Variants in LARP4 observed in about 807,000 individuals in gnomAD.
The protein encoded by LARP4 is la-related protein 4.
LARP4 carries 29 observed loss-of-function variants against 92.9 expected under a neutral mutation model. That is an observed-to-expected ratio of 0.31 (90% CI 0.23 to 0.43). The LOEUF (loss-of-function observed/expected upper bound fraction) is 0.43, where lower values mean the gene tolerates loss of function less well. LARP4 is among the 20% of genes least tolerant of loss of function. The pLI, the probability that LARP4 is intolerant of heterozygous loss-of-function variation, is 1.00. For missense variants in LARP4, 732 were observed against 860.0 expected, an observed-to-expected ratio of 0.85 and a Z score of 1.86; for synonymous variants, 279 against 284.1, an observed-to-expected ratio of 0.98 and a Z score of 0.18.
intron 1 of LARP4, among the ~76,000 whole-genome samples, chr12:50,422,937 C>A (rs1948077409): frequency 6.6e-6 from 1 of 151,660 alleles, no homozygotes; most frequent in South Asian, 2.1e-4. Flanking sequence ...CTTGTCTTAG[C>A]CTCCCAAGGA....
chr12:50,421,842 C>G (rs528051426), intron 1 of LARP4, among the ~76,000 whole-genome samples: 1 of 152,158 alleles, frequency 6.6e-6, no homozygotes, highest in East Asian at 1.9e-4. Context: ...TTTCTGGAGT[C>G]AGGCTGCCTT....
chr12:50,427,557 A>AT (rs1430484599), intron 1 of LARP4, among the ~76,000 whole-genome samples: 3 of 152,016 alleles, frequency 2.0e-5, no homozygotes, highest in Non-Finnish European at 2.9e-5. Context: ...AGAGATACCT[A>AT]TTTTTTATTA....
rs1018018202 is a variant in LARP4 at position 50,423,409 on chromosome 12, G to A, written c.19-4353G>A. On this transcript the variant is annotated intron_variant, in intron 1 of 15. Transcript: ENST00000398473. ...CTTTTGAGGGTGAGACAGCAGAATT[G>A]CCTTCCATTCAAAACTGACATGCTT... Among the ~76,000 whole-genome samples, 3 of 152,244 alleles carry A rather than the reference G, an allele frequency of 2.0e-5. No individual in the cohort carries two copies. The East Asian group carries it at 5.8e-4, about 29-fold the overall frequency.
chr12:50,440,301 A>G, intron 6 of LARP4, 138 bp from the exon 7 acceptor site: 1 of 632,686 alleles, frequency 1.6e-6, no homozygotes. Context: ...TCCTCAGTGG[A>G]AAAATGGGCA....
At chr12:50,436,673 T>C (rs1218765263) in intron 5 of LARP4, among the ~76,000 whole-genome samples, 1 of 152,244 alleles carries the variant, frequency 6.6e-6, no homozygotes, top group Non-Finnish European at 1.5e-5. Flanking sequence ...TTTTGTGTCT[T>C]GTATCAGTAT....
intron 13 of LARP4, among the ~76,000 whole-genome samples, chr12:50,468,749 T>C (rs1376755114): frequency 6.6e-6 from 1 of 152,214 alleles, no homozygotes; most frequent in Non-Finnish European, 1.5e-5. Context: ...TTATATATGA[T>C]ATCATCAATT....
At chr12:50,405,527 C>G (rs1944659922) in intron 1 of LARP4, among the ~76,000 whole-genome samples, 1 of 151,796 alleles carries the variant, frequency 6.6e-6, no homozygotes, top group Admixed American at 6.6e-5. Context: ...TCAAGTGATC[C>G]TCCCACCTCA....
chr12:50,463,917 A>G (rs1017735655), intron 12 of LARP4, among the ~76,000 whole-genome samples: 1 of 151,960 alleles, frequency 6.6e-6, no homozygotes, highest in Non-Finnish European at 1.5e-5. Flanking sequence ...TTCTGTCTGG[A>G]CTTATACCAG....
At chr12:50,413,087 G>C (rs964623648) in intron 1 of LARP4, among the ~76,000 whole-genome samples, 1 of 151,998 alleles carries the variant, frequency 6.6e-6, no homozygotes, top group Admixed American at 6.6e-5. Flanking sequence ...GCCGGACGTG[G>C]TGGTGGGCGC....
intron 15 of LARP4, among the ~76,000 whole-genome samples, chr12:50,474,954 T>C (rs1957387759): frequency 6.6e-6 from 1 of 152,246 alleles, no homozygotes; most frequent in Non-Finnish European, 1.5e-5. Flanking sequence ...AAAATAGATT[T>C]AGAAGACTAT....
rs771447417 is a variant in LARP4 at position 50,400,963 on chromosome 12, C to T, written c.-48C>T. 1.2e-6 allele frequency: 2 copies of T among 1,614,000 alleles called. No individual in the cohort carries two copies. Among genetic ancestry groups the T allele is most frequent in the Non-Finnish European group, 8.5e-7 (1 of 1,179,912 alleles). On this transcript the variant is annotated 5_prime_UTR_variant, in exon 1 of 16. Coordinates refer to ENST00000398473, the MANE Select transcript of LARP4 (RefSeq NM_052879.5). ...GCAATTGGGGCGCGGGCCTGTGAGC[C>T]AGTTGGAGTTGCGGCGGCGGGAACG...
rs1203537131 is a variant in LARP4 at position 50,440,551 on chromosome 12, TAAG to T, written c.750+8_750+10del. On this transcript the variant is annotated splice_donor_5th_base_variant and intron_variant, in intron 7 of 15. Coordinates refer to ENST00000398473, the MANE Select transcript of LARP4 (RefSeq NM_052879.5). ...CAGTCAGACACAGATGCACAACAGG[TAAG>T]AAGAAAACATTTTCTGATACAAGTC... 2 of 1,595,016 alleles carry T rather than the reference TAAG, an allele frequency of 1.3e-6. No individual in the cohort carries two copies. Among genetic ancestry groups the T allele is most frequent in the African/African-American group, 2.7e-5 (2 of 74,654 alleles).
intron 1 of LARP4, among the ~76,000 whole-genome samples, chr12:50,417,886 G>C (rs190084464): frequency 6.6e-6 from 1 of 152,000 alleles, no homozygotes; most frequent in Non-Finnish European, 1.5e-5. Flanking sequence ...TTGAGACGGA[G>C]TTTCACTCCT....
chr12:50,436,506 C>T (rs998034021), intron 5 of LARP4, among the ~76,000 whole-genome samples: 1 of 152,152 alleles, frequency 6.6e-6, no homozygotes, highest in Non-Finnish European at 1.5e-5. Context: ...GTTCAATATA[C>T]ACCATATACC....
intron 8 of LARP4, among the ~76,000 whole-genome samples, chr12:50,447,074 CCTT>C (rs957177383): frequency 1.3e-5 from 2 of 152,140 alleles, no homozygotes; most frequent in African/African-American, 2.4e-5. Flanking sequence ...TCTAATCTAA[CCTT>C]CTTATATCTT....
intron 8 of LARP4, among the ~76,000 whole-genome samples, chr12:50,442,552 C>T (rs2137697046): frequency 6.6e-6 from 1 of 152,314 alleles, no homozygotes; most frequent in Admixed American, 6.5e-5. Flanking sequence ...CAGTAACATA[C>T]ACTTAGTTCG....
At position 50,466,925 on chromosome 12, in the gene LARP4, C is replaced by G. The variant is rs575227874; in HGVS notation, c.1384-34C>G. 3 of 1,583,734 alleles carry G rather than the reference C, an allele frequency of 1.9e-6. No individual in the cohort carries two copies. In the East Asian group the frequency reaches 6.8e-5, roughly 36 times the overall value. ...GACACAGGATTAGGGAATGAGATAG[C>G]CATGTGACCTGTTTTATTATTTGTT... On this transcript the variant is annotated intron_variant, in intron 12 of 15. Coordinates refer to ENST00000398473, the MANE Select transcript of LARP4 (RefSeq NM_052879.5).
intron 2 of LARP4, among the ~76,000 whole-genome samples, chr12:50,428,195 T>A (rs564338134): frequency 7.2e-5 from 11 of 151,900 alleles, no homozygotes; most frequent in African/African-American, 2.7e-4. Context: ...ACCCGGCTAA[T>A]TTTTGTATTT....
chr12:50,432,997 A>G (rs1949902166), intron 4 of LARP4, among the ~76,000 whole-genome samples: 1 of 151,954 alleles, frequency 6.6e-6, no homozygotes, highest in South Asian at 2.1e-4. Context: ...TCAATCTCCC[A>G]TCTTCCTCCT....
Sources: allele counts gnomAD v4.1 joint callset (sites outside exome capture counted in the v4.1 genomes callset), GRCh38; gene constraint gnomAD v4.1.1; transcripts MANE v1.5; gene names NCBI Gene and HGNC (gene_info 2026-07-23, HGNC 2026-07-21).